TNRC6B: variants seen among roughly 807,000 people sequenced by gnomAD.
The protein encoded by TNRC6B is trinucleotide repeat-containing gene 6B protein.
In TNRC6B, 52 loss-of-function variants were observed where a neutral mutation model predicts 203.6. The observed-to-expected ratio is 0.26, with a 90% CI of 0.20 to 0.32. The LOEUF is 0.32. Ranked by LOEUF, TNRC6B falls within the 10% of genes least tolerant of loss-of-function variation. The probability of loss-of-function intolerance (pLI) is 1.00; values close to 1 mark genes in which losing one functional copy is unlikely to be tolerated. For synonymous variants in TNRC6B, 838 were observed against 845.7 expected (o/e 0.99, Z 0.16); for missense variants, 1,923 against 2,286.2 (o/e 0.84, Z 3.24).
intron 12 of TNRC6B, among the ~76,000 whole-genome samples, chr22:40,289,629 C>G (rs1004614472): frequency 1.3e-5 from 2 of 152,102 alleles, no homozygotes; most frequent in Admixed American, 6.5e-5. Context: ...TTTACGAGTT[C>G]CTCCTCAAGT....
chr22:40,080,219 A>C (rs1041650983), intron 1 of TNRC6B, among the ~76,000 whole-genome samples: 26 of 149,790 alleles, frequency 1.7e-4, no homozygotes, highest in African/African-American at 6.2e-4. Flanking sequence ...CTGGGATTGC[A>C]GGCATGAGCT....
At chr22:40,246,703 A>G (rs1244631650) in intron 2 of TNRC6B, among the ~76,000 whole-genome samples, 1 of 152,190 alleles carries the variant, frequency 6.6e-6, no homozygotes, top group African/African-American at 2.4e-5. Flanking sequence ...TTATTTGTAT[A>G]TTAATTTAAT....
intron 1 of TNRC6B, among the ~76,000 whole-genome samples, chr22:40,076,289 C>T (rs1402190388): frequency 2.0e-5 from 3 of 152,148 alleles, no homozygotes; most frequent in African/African-American, 7.2e-5. Flanking sequence ...TGGCAGCATA[C>T]ATCTGTAGTT....
intron 12 of TNRC6B, among the ~76,000 whole-genome samples, chr22:40,297,040 TG>T (rs2070953832): frequency 6.6e-6 from 1 of 152,210 alleles, no homozygotes; most frequent in Non-Finnish European, 1.5e-5. Flanking sequence ...TCAAGAAGAT[TG>T]CTTTTGAGTA....
chr22:40,185,981 A>T (rs979102386), intron 1 of TNRC6B, among the ~76,000 whole-genome samples: 1 of 152,164 alleles, frequency 6.6e-6, no homozygotes, highest in Non-Finnish European at 1.5e-5. Flanking sequence ...GGACTTGGCA[A>T]TGGAACTGGT....
chr22:40,078,598 T>C (rs183135805), intron 1 of TNRC6B, among the ~76,000 whole-genome samples: 1 of 139,604 alleles, frequency 7.2e-6, no homozygotes, highest in Admixed American at 6.9e-5. Flanking sequence ...TATTTATTTA[T>C]TTATTTTTTT....
At chr22:40,301,030 C>T (rs373788781) in intron 14 of TNRC6B, 25 bp downstream of exon 14, 277 of 1,603,450 alleles carry the variant, frequency 1.7e-4, no homozygotes, top group Non-Finnish European at 2.0e-4. Context: ...AGGGTCCCTC[C>T]AGTGCTGTGT....
intron 1 of TNRC6B, among the ~76,000 whole-genome samples, chr22:40,048,370 C>G (rs2067711505): frequency 6.6e-6 from 1 of 152,096 alleles, no homozygotes; most frequent in Non-Finnish European, 1.5e-5. Context: ...GAAACCCCGT[C>G]TCTACTAAAA....
At chr22:40,173,807 T>A (rs1468423266), upstream of TNRC6B, among the ~76,000 whole-genome samples, 4 of 97,160 alleles carry the variant, frequency 4.1e-5, no homozygotes, top group African/African-American at 1.4e-4. Flanking sequence ...TTTTTTTTTT[T>A]TTTTTTTTTT....
intron 4 of TNRC6B, among the ~76,000 whole-genome samples, chr22:40,171,060 A>T (rs1417569338): frequency 6.7e-6 from 1 of 148,386 alleles, no homozygotes; most frequent in Non-Finnish European, 1.5e-5. Context: ...ATACACATAC[A>T]TGTATCTATA....
At chr22:40,298,572 A>C (rs1174972060) in intron 12 of TNRC6B, among the ~76,000 whole-genome samples, 1 of 152,282 alleles carries the variant, frequency 6.6e-6, no homozygotes, top group African/African-American at 2.4e-5. Flanking sequence ...CATAAAATCT[A>C]ATAATGACTG....
rs2070595081 is a variant in TNRC6B, at chr22:40,273,552, C to T, written c.3093C>T (p.Ser1031=). The T allele has an allele frequency of 1.3e-6, 2 of 1,590,954 alleles. No homozygotes were observed. Among genetic ancestry groups the T allele is most frequent in the Non-Finnish European group, 1.7e-6 (2 of 1,168,492 alleles). ...CCACTGGCTCTCAGGGCAGTGCTTC[C>T]TCCCACAACTCAGCAAGCTGGGGAC... The part of the protein sequence containing the change: ...WNTTGSQGSA[S]SHNSASWGQG... The change falls in exon 7 of 23, where the codon TCC becomes TCT. Residue 1031 remains serine, a synonymous_variant. Transcript: ENST00000454349.
chr22:40,198,859 G>C (rs1318621106), intron 1 of TNRC6B, among the ~76,000 whole-genome samples: 1 of 152,072 alleles, frequency 6.6e-6, no homozygotes, highest in East Asian at 1.9e-4. Flanking sequence ...GGTAGTAGAG[G>C]GGGAGGGTGC....
intron 3 of TNRC6B, among the ~76,000 whole-genome samples, chr22:40,137,898 C>T (rs918925158): frequency 2.6e-5 from 4 of 151,180 alleles, no homozygotes; most frequent in East Asian, 1.9e-4. Context: ...GCAGGAAAAT[C>T]GCTTGAATTG....
intron 11 of TNRC6B, among the ~76,000 whole-genome samples, chr22:40,284,236 C>T (rs551077002): frequency 1.6e-4 from 24 of 152,224 alleles, no homozygotes; most frequent in Admixed American, 5.9e-4. Flanking sequence ...ATTGCCATTT[C>T]GACTTTATGT....
At chr22:40,170,800 T>C (rs1408427259) in intron 4 of TNRC6B, among the ~76,000 whole-genome samples, 1 of 57,782 alleles carries the variant, frequency 1.7e-5, no homozygotes, top group Non-Finnish European at 2.9e-5. Context: ...TGTGTATATA[T>C]ACATATATGT....
chr22:40,253,053 T>C (rs982060485), intron 3 of TNRC6B, among the ~76,000 whole-genome samples: 9 of 152,076 alleles, frequency 5.9e-5, no homozygotes, highest in African/African-American at 1.9e-4. Context: ...GTAAGTGGTG[T>C]TGGGAAACAG....
chr22:40,160,243 G>T (rs540824591), intron 4 of TNRC6B, among the ~76,000 whole-genome samples: 3 of 152,278 alleles, frequency 2.0e-5, no homozygotes, highest in Admixed American at 1.3e-4. Flanking sequence ...TTGGGAGGCT[G>T]AGGCAGGCGG....
chr22:40,101,364 C>T (rs983543040), intron 1 of TNRC6B, among the ~76,000 whole-genome samples: 1 of 152,142 alleles, frequency 6.6e-6, no homozygotes, highest in African/African-American at 2.4e-5. Context: ...GTTAACAGCA[C>T]ATTGCCGGCG....
Sources: allele counts gnomAD v4.1 joint callset (sites outside exome capture counted in the v4.1 genomes callset), GRCh38; gene constraint gnomAD v4.1.1; transcripts MANE v1.5; gene names NCBI Gene and HGNC (gene_info 2026-07-23, HGNC 2026-07-21).